The following LHFPL4 variants were observed in gnomAD, a reference collection of about 807,000 sequenced individuals.
The protein encoded by LHFPL4 is LHFPL tetraspan subfamily member 4.
Under a neutral mutation model 20.0 loss-of-function variants are expected in LHFPL4, and 6 were observed. The ratio of observed to expected loss-of-function variants is 0.30; its 90% confidence interval spans 0.16 to 0.59. The LOEUF is 0.59. Among genes scored for constraint, LHFPL4 ranks in the 20% least tolerant of loss-of-function variants. The pLI, the probability that LHFPL4 is intolerant of heterozygous loss-of-function variation, is 0.88. For synonymous variants in LHFPL4, 129 were observed against 143.8 expected (o/e 0.90, Z 0.74); for missense variants, 215 against 331.2 (o/e 0.65, Z 2.72).
intron 2 of LHFPL4, among the ~76,000 whole-genome samples, chr3:9,507,627 A>C (rs531820046): frequency 1.3e-5 from 2 of 152,386 alleles, no homozygotes; most frequent in South Asian, 4.1e-4. Flanking sequence ...GAGAAGGGGC[A>C]GGCTCAGAAG....
chr3:9,551,819 C>T (rs1046150777), intron 2 of LHFPL4, among the ~76,000 whole-genome samples: 1 of 152,156 alleles, frequency 6.6e-6, no homozygotes, highest in African/African-American at 2.4e-5. Context: ...GAAACCGAGC[C>T]TCAGAGAAGT....
In LHFPL4 at chr3:9,552,705, G is replaced by T. The variant is rs2046564131; in HGVS notation, c.-26C>A. 1.6e-6 allele frequency: 2 copies of T among 1,278,100 alleles called. No individual in the cohort carries two copies. Among genetic ancestry groups the T allele is most frequent in the African/African-American group, 3.1e-5 (2 of 64,446 alleles). The allele number at this position is 1,278,100 out of a possible 1,614,324, so 79.2% of individuals were successfully genotyped here. ...GGTGCCCGGAGGCGGGGCCGGCGGC[G>T]GCGGCGGCTGGCGGGGGCCGCCGGC... On this transcript the variant is annotated 5_prime_UTR_variant, in exon 2 of 4. Transcript: ENST00000287585.
At chr3:9,535,346 G>A (rs1035700509) in intron 2 of LHFPL4, among the ~76,000 whole-genome samples, 2 of 152,062 alleles carry the variant, frequency 1.3e-5, no homozygotes, top group African/African-American at 4.8e-5. Context: ...TACAGATGAG[G>A]ACACTGAGGT....
At chr3:9,502,380 G>T (rs752404674) in intron 3 of LHFPL4, 69 bp from the exon 4 acceptor site, 2 of 1,193,668 alleles carry the variant, frequency 1.7e-6, no homozygotes, top group Non-Finnish European at 1.2e-6. Context: ...GGGCATTCAG[G>T]CTTTCCTTGC....
chr3:9,548,977 G>A (rs1295446901), intron 2 of LHFPL4, among the ~76,000 whole-genome samples: 1 of 152,216 alleles, frequency 6.6e-6, no homozygotes, highest in Non-Finnish European at 1.5e-5. Context: ...CGAGCACAGA[G>A]GAACCAAGAA....
intron 2 of LHFPL4, among the ~76,000 whole-genome samples, chr3:9,534,016 C>A (rs1004902187): frequency 6.6e-6 from 1 of 151,952 alleles, no homozygotes; most frequent in African/African-American, 2.4e-5. Flanking sequence ...GGGTTTGAGA[C>A]CAGCCTGGGC....
chr3:9,506,356 G>A lies in LHFPL4; in HGVS notation c.407-153C>T, dbSNP rs2046218129. Reference sequence around the variant, plus strand: ...CCACTTCCACAGAGGGAGAAAGAGAGGGCAGGGGCAGGGAAAAGAGAGAGA... The same window carrying A: ...CCACTTCCACAGAGGGAGAAAGAGAAGGCAGGGGCAGGGAAAAGAGAGAGA... On this transcript the variant is annotated intron_variant, in intron 2 of 3. Transcript: ENST00000287585. The surrounding 1 kb of genome is among the most constrained non-coding windows in gnomAD (Gnocchi z 4.5). Among the ~76,000 whole-genome samples, 1 of 152,122 alleles carries A rather than the reference G, an allele frequency of 6.6e-6. No individual in the cohort carries two copies. Among genetic ancestry groups the A allele is most frequent in the South Asian group, 2.1e-4 (1 of 4,832 alleles).
chr3:9,499,402 T>A lies in LHFPL4; in HGVS notation c.*2809A>T, dbSNP rs368337613. 2 of 152,948 alleles carry A rather than the reference T, an allele frequency of 1.3e-5. No individual in the cohort carries two copies. 9.5% of individuals were successfully genotyped at this position (152,948 alleles called of 1,614,324 possible). On this transcript the variant is annotated 3_prime_UTR_variant, in exon 4 of 4. Transcript: ENST00000287585. ...CACTCTGACTTCTACCCCTTGCCTG[T>A]GTCACCCTGGGGTTCCCGCAGACTT...
At chr3:9,542,494 G>GA (rs35718713) in intron 2 of LHFPL4, among the ~76,000 whole-genome samples, 18 of 152,114 alleles carry the variant, frequency 1.2e-4, no homozygotes, top group Non-Finnish European at 2.1e-4. Context: ...TATGCTAAGT[G>GA]AAAAAAGTCA....
chr3:9,531,409 A>T (rs2046407649), intron 2 of LHFPL4, among the ~76,000 whole-genome samples: 1 of 152,198 alleles, frequency 6.6e-6, no homozygotes, highest in South Asian at 2.1e-4. Flanking sequence ...GAGTATCTAT[A>T]AGCATGTCTG....
Position 9,500,084 on chromosome 3 carries a change from C to A in LHFPL4, c.*2127G>T. 1 of 153,684 alleles carries A rather than the reference C, an allele frequency of 6.5e-6. No individual in the cohort carries two copies. Among genetic ancestry groups the A allele is most frequent in the Non-Finnish European group, 1.4e-5 (1 of 69,222 alleles). 9.5% of individuals were successfully genotyped at this position (153,684 alleles called of 1,614,324 possible). A position where few individuals can be genotyped will look rare whatever the true frequency, so the allele number is the denominator to read the frequency against. Reference sequence around the variant, plus strand: ...CTGTTTCTCTGTGCCTGTGCGTCCCCCTCGCTCCTTCTCCAATCATCTCTC... The same window carrying A: ...CTGTTTCTCTGTGCCTGTGCGTCCCACTCGCTCCTTCTCCAATCATCTCTC... On this transcript the variant is annotated 3_prime_UTR_variant, in exon 4 of 4. Transcript: ENST00000287585.
intron 2 of LHFPL4, among the ~76,000 whole-genome samples, chr3:9,512,600 C>T (rs1343824064): frequency 1.3e-5 from 2 of 152,300 alleles, no homozygotes; most frequent in Middle Eastern, 3.4e-3. Context: ...TTAGCTAAGA[C>T]CTTGACTGTA....
intron 2 of LHFPL4, among the ~76,000 whole-genome samples, chr3:9,529,866 T>A (rs1242251370): frequency 6.6e-6 from 1 of 151,486 alleles, no homozygotes; most frequent in Non-Finnish European, 1.5e-5. Flanking sequence ...CTCCTGACCT[T>A]CTGATCCACC....
rs981304491 is a variant in LHFPL4 at position 9,513,368 on chromosome 3, G to A, written c.407-7165C>T. Reference sequence around the variant, plus strand: ...TCTGTCACTTGTTTTGTCTTGCTCTGTCACCAAGGCTGGAGTGCAGTGGTG... The same window carrying A: ...TCTGTCACTTGTTTTGTCTTGCTCTATCACCAAGGCTGGAGTGCAGTGGTG... On this transcript the variant is annotated intron_variant, in intron 2 of 3. Transcript: ENST00000287585. 7.2e-5 allele frequency among the ~76,000 whole-genome samples: 11 copies of A among 151,962 alleles called. 1 individual carries two copies. Among genetic ancestry groups the A allele is most frequent in the Admixed American group, 6.6e-4 (10 of 15,228 alleles).
intron 2 of LHFPL4, among the ~76,000 whole-genome samples, chr3:9,508,807 C>T (rs1336929508): frequency 6.6e-6 from 1 of 152,226 alleles, no homozygotes; most frequent in Non-Finnish European, 1.5e-5. Context: ...CCCAGTCCTT[C>T]CCCCGCCCTC....
In LHFPL4 at chr3:9,552,565, C is replaced by G; in HGVS notation, c.115G>C (p.Val39Leu). Residue 39 changes from valine to leucine, a missense_variant, in exon 2 of 4, where the codon GTG (valine) becomes CTG (leucine). By Grantham distance (32) the Val-to-Leu change is conservative. Coordinates refer to ENST00000287585, the MANE Select transcript of LHFPL4 (RefSeq NM_198560.3). ...ACCCAGTAGGGCTGGATGAAGACCA[C>G]CACGTTGATGATGGCGAAGCAGATG... is the stretch of plus-strand genomic sequence containing the variant. ...FTICFAIINVVVFIQPYWVGD... is the reference protein window; with the variant it reads ...FTICFAIINVLVFIQPYWVGD... 1 of 1,614,000 alleles carries G rather than the reference C, an allele frequency of 6.2e-7. No individual in the cohort carries two copies. Among genetic ancestry groups the G allele is most frequent in the East Asian group, 2.2e-5 (1 of 44,868 alleles).
chr3:9,526,818 A>G (rs571242686), intron 2 of LHFPL4, among the ~76,000 whole-genome samples: 1 of 152,336 alleles, frequency 6.6e-6, no homozygotes, highest in East Asian at 1.9e-4. Context: ...CTGACAGCCA[A>G]AAGAAGGGAG....
intron 2 of LHFPL4, among the ~76,000 whole-genome samples, chr3:9,548,242 C>A (rs1209616435): frequency 6.6e-6 from 1 of 152,166 alleles, no homozygotes; most frequent in African/African-American, 2.4e-5. Flanking sequence ...AATAATGGTA[C>A]CTACTCCACA....
At chr3:9,510,202 G>A (rs2046248325) in intron 2 of LHFPL4, among the ~76,000 whole-genome samples, 1 of 152,160 alleles carries the variant, frequency 6.6e-6, no homozygotes, top group African/African-American at 2.4e-5. Flanking sequence ...TGTAGTCCCA[G>A]TACTTTGGGA....
Sources: gnomAD v4.1 joint callset for allele counts (sites outside exome capture counted in the v4.1 genomes callset) on GRCh38, gnomAD v4.1.1 for gene constraint, Gnocchi (gnomAD v3.1) non-coding constraint, MANE v1.5 for transcripts, NCBI Gene and HGNC (gene_info 2026-07-23, HGNC 2026-07-21) for gene names.